Variants in RGS8 observed in about 807,000 individuals in gnomAD.
RGS8 encodes the protein regulator of G-protein signaling 8.
Under a neutral mutation model 21.7 loss-of-function variants are expected in RGS8, and 8 were observed. That is an observed-to-expected ratio of 0.37 (90% CI 0.22 to 0.66). The LOEUF (loss-of-function observed/expected upper bound fraction) is 0.66. Ranked by LOEUF, RGS8 falls within the 30% of genes least tolerant of loss-of-function variation. RGS8 has a pLI of 0.59. For missense variants in RGS8, 157 were observed against 217.9 expected (o/e 0.72, Z 1.76); for synonymous variants, 80 against 83.6 (o/e 0.96, Z 0.24).
the RGS8 span, among the ~76,000 whole-genome samples, chr1:182,729,206 G>T: frequency 6.6e-6 from 1 of 152,186 alleles, no homozygotes; most frequent in South Asian, 2.1e-4. Flanking sequence ...TGAATGGATG[G>T]TAAAAATGCT....
the RGS8 span, among the ~76,000 whole-genome samples, chr1:182,700,489 G>C: frequency 6.6e-6 from 1 of 152,174 alleles, no homozygotes; most frequent in Non-Finnish European, 1.5e-5. Flanking sequence ...CAAGAGAAAG[G>C]AGGTGCCAGT....
chr1:182,689,260 CACAG>C (rs1557906855), upstream of RGS8, among the ~76,000 whole-genome samples: 5 of 136,862 alleles, frequency 3.7e-5, no homozygotes, highest in Admixed American at 7.3e-5. Context: ...CACGCACACA[CACAG>C]ACACACACAC....
chr1:182,730,249 C>T, the RGS8 span, among the ~76,000 whole-genome samples: 3 of 152,326 alleles, frequency 2.0e-5, no homozygotes, highest in East Asian at 5.8e-4. Flanking sequence ...CTTGAAGGGA[C>T]TTAGTACATT....
chr1:182,657,152 C>G (rs540671287), intron 5 of RGS8, among the ~76,000 whole-genome samples: 1 of 151,142 alleles, frequency 6.6e-6, no homozygotes. Flanking sequence ...AACACAACTG[C>G]GTAAAATCCT....
intron 5 of RGS8, among the ~76,000 whole-genome samples, chr1:182,652,138 T>G (rs995634149): frequency 6.6e-6 from 1 of 152,254 alleles, no homozygotes; most frequent in Non-Finnish European, 1.5e-5. Flanking sequence ...AGCCTGTTGT[T>G]GGTTTTAAAC....
chr1:182,666,426 C>T (rs920133118), intron 4 of RGS8, among the ~76,000 whole-genome samples: 5 of 152,150 alleles, frequency 3.3e-5, no homozygotes, highest in Non-Finnish European at 2.9e-5. Flanking sequence ...GATAATGATG[C>T]CCATTACATA....
upstream of RGS8, among the ~76,000 whole-genome samples, chr1:182,687,760 A>G (rs566465993): frequency 1.3e-5 from 2 of 152,366 alleles, no homozygotes; most frequent in Admixed American, 1.3e-4. Context: ...GAATAAATTG[A>G]ATTAAGAAGT....
At chr1:182,695,741 C>T in the RGS8 span, among the ~76,000 whole-genome samples, 1 of 152,232 alleles carries the variant, frequency 6.6e-6, no homozygotes, top group Non-Finnish European at 1.5e-5. Flanking sequence ...TAAAACAGAA[C>T]AGCCATTTCT....
upstream of RGS8, among the ~76,000 whole-genome samples, chr1:182,673,233 G>A (rs568624468): frequency 1.6e-4 from 24 of 152,226 alleles, no homozygotes; most frequent in African/African-American, 5.1e-4. Flanking sequence ...AAATGAATTC[G>A]ATTTTTTAAA....
the RGS8 span, among the ~76,000 whole-genome samples, chr1:182,740,574 ATTG>A: frequency 2.6e-5 from 1 of 38,886 alleles, no homozygotes; most frequent in Non-Finnish European, 5.1e-5. Context: ...TTTTTTTTTT[ATTG>A]ATCATTCTTG....
Position 182,649,095 on chromosome 1 carries a change from C to T in RGS8, c.194-792G>A, listed in dbSNP as rs550036309. ...AGCCTGGGCGACAAGACCAAAAATACGTCTCATAAAAAAAAAATAGAGTCA... is the reference window on the plus strand; with the variant it reads ...AGCCTGGGCGACAAGACCAAAAATATGTCTCATAAAAAAAAAATAGAGTCA... On this transcript the variant is annotated intron_variant, in intron 5 of 6. Coordinates refer to ENST00000483095, the Ensembl canonical transcript of RGS8. 1.7e-3 allele frequency among the ~76,000 whole-genome samples: 264 copies of T among 151,926 alleles called. 2 individuals are homozygous for T. The highest frequency in any genetic ancestry group is 6.2e-3 in the African/African-American group (257 of 41,402).
At chr1:182,732,303 C>CACA in the RGS8 span, among the ~76,000 whole-genome samples, 22 of 95,786 alleles carry the variant, frequency 2.3e-4, no homozygotes, top group Middle Eastern at 5.4e-3. Context: ...ACACACACAC[C>CACA]CACTGTAGCA....
intron 4 of RGS8, 31 bp downstream of exon 5, chr1:182,666,841 C>G: frequency 1.3e-6 from 2 of 1,529,290 alleles, no homozygotes; most frequent in East Asian, 4.5e-5. Context: ...GCTGTATTAC[C>G]CAGGGAATGG....
intron 5 of RGS8, among the ~76,000 whole-genome samples, chr1:182,652,304 A>G (rs938622402): frequency 2.0e-5 from 3 of 152,228 alleles, no homozygotes; most frequent in Admixed American, 1.3e-4. Flanking sequence ...TGGTACTTGT[A>G]AAGATAGCCT....
At chr1:182,723,837 C>T in the RGS8 span, among the ~76,000 whole-genome samples, 2 of 152,190 alleles carry the variant, frequency 1.3e-5, no homozygotes, top group Admixed American at 6.5e-5. Flanking sequence ...AGTGATGACT[C>T]TAATTTTAAA....
chr1:182,683,878 G>C (rs906176092), intron 1 of RGS8, among the ~76,000 whole-genome samples: 6 of 152,230 alleles, frequency 3.9e-5, no homozygotes, highest in African/African-American at 1.4e-4. Context: ...AAACAAAACA[G>C]ATTCTGTGTG....
the RGS8 span, among the ~76,000 whole-genome samples, chr1:182,695,146 A>C: frequency 6.6e-6 from 1 of 152,176 alleles, no homozygotes; most frequent in South Asian, 2.1e-4. Flanking sequence ...AGAAGACCAC[A>C]ATCAGAAAAA....
intron 5 of RGS8, among the ~76,000 whole-genome samples, chr1:182,650,387 T>C (rs1662949281): frequency 6.6e-6 from 1 of 152,270 alleles, no homozygotes; most frequent in African/African-American, 2.4e-5. Context: ...AAAAAGTCAT[T>C]GTATATCTTT....
chr1:182,672,618 A>G (rs1557899018), upstream of RGS8, among the ~76,000 whole-genome samples: 1 of 152,036 alleles, frequency 6.6e-6, no homozygotes, highest in Non-Finnish European at 1.5e-5. Context: ...CCAAACATGC[A>G]TATTTCCAAC....
Sources: allele counts gnomAD v4.1 joint callset (sites outside exome capture counted in the v4.1 genomes callset), GRCh38; gene constraint gnomAD v4.1.1; transcripts MANE v1.5; gene names NCBI Gene and HGNC (gene_info 2026-07-23, HGNC 2026-07-21).